Variants in TMEM132C observed in about 807,000 individuals in gnomAD.
TMEM132C encodes transmembrane protein 132C, also known as protein phosphatase 1, regulatory subunit 152.
Under a neutral mutation model 61.4 loss-of-function variants are expected in TMEM132C, and 29 were observed. The ratio of observed to expected loss-of-function variants is 0.47; its 90% CI spans 0.35 to 0.64. The LOEUF is 0.64. Among genes scored for constraint, TMEM132C ranks in the 30% least tolerant of loss-of-function variants. The pLI is 0.00. For synonymous variants in TMEM132C, 656 were observed against 633.1 expected (o/e 1.04, Z -0.54); for missense variants, 1,408 against 1,476.9 (o/e 0.95, Z 0.76).
In TMEM132C at chr12:128,581,667, G is replaced by A. The variant is rs568893106; in HGVS notation, c.1122-34485G>A. Among the ~76,000 whole-genome samples the A allele has an allele frequency of 5.9e-5, 9 of 152,332 alleles. 1 individual carries two copies. Among genetic ancestry groups the A allele is most frequent in the South Asian group, 2.1e-4 (1 of 4,830 alleles). On this transcript the variant is annotated intron_variant, in intron 3 of 8. Coordinates refer to ENST00000435159, the MANE Select transcript of TMEM132C (RefSeq NM_001136103.3). ...GTTTCAGAGCCAGGCAGCTGATGTC[G>A]ATTTGCCTGACTTCTCATCTTCTCT...
At chr12:128,286,967 A>T (rs1592997780) in intron 1 of TMEM132C, among the ~76,000 whole-genome samples, 2 of 152,248 alleles carry the variant, frequency 1.3e-5, no homozygotes, top group Admixed American at 1.3e-4. Context: ...AAACTATGTT[A>T]TCTCTGCCAA....
chr12:128,463,908 C>T lies in TMEM132C; in HGVS notation c.974+48288C>T, dbSNP rs1369731636. On this transcript the variant is annotated intron_variant, in intron 2 of 8. Transcript: ENST00000435159. ...GTGCAGGAGACCAAGCCTCCAGCCA[C>T]GGGCCCACCTTGGATTCATGTGTGA... Among the ~76,000 whole-genome samples, 6 of 152,288 alleles carry T rather than the reference C, an allele frequency of 3.9e-5. No individual in the cohort carries two copies. In the South Asian group the frequency reaches 8.3e-4, roughly 21 times the overall value.
intron 1 of TMEM132C, among the ~76,000 whole-genome samples, chr12:128,293,722 C>T (rs1046309547): frequency 5.9e-5 from 9 of 152,048 alleles, no homozygotes; most frequent in South Asian, 4.2e-4. Flanking sequence ...CTCCTAAGGT[C>T]GAGAGTGATT....
At chr12:128,622,874 T>C (rs1470562230) in intron 4 of TMEM132C, among the ~76,000 whole-genome samples, 1 of 152,208 alleles carries the variant, frequency 6.6e-6, no homozygotes, top group Non-Finnish European at 1.5e-5. Context: ...AAAATGTTTC[T>C]ATTTGTAACT....
chr12:128,634,670 C>T (rs1954088066), intron 4 of TMEM132C, among the ~76,000 whole-genome samples: 1 of 152,212 alleles, frequency 6.6e-6, no homozygotes, highest in South Asian at 2.1e-4. Context: ...TACTTGGCAG[C>T]CTTGTGCGAT....
At chr12:128,549,835 A>T (rs1378724763) in intron 3 of TMEM132C, among the ~76,000 whole-genome samples, 1 of 152,020 alleles carries the variant, frequency 6.6e-6, no homozygotes, top group East Asian at 1.9e-4. Flanking sequence ...AGACACAGTG[A>T]GCCATGACCT....
rs982698371 is a variant in TMEM132C, at chr12:128,326,435, T to C, written c.85+58948T>C. 2.1e-5 allele frequency among the ~76,000 whole-genome samples: 3 copies of C among 140,104 alleles called. No individual in the cohort carries two copies. Among genetic ancestry groups the C allele is most frequent in the African/African-American group, 6.0e-5 (2 of 33,096 alleles). 91.9% of individuals were successfully genotyped at this position (140,104 alleles called of 152,430 possible). Reference sequence around the variant, plus strand: ...AGCCTTTGGCTGACGCTTATCCCCCTCTGGTTCAGATATCTTTGCAAAGGC... The same window carrying C: ...AGCCTTTGGCTGACGCTTATCCCCCCCTGGTTCAGATATCTTTGCAAAGGC... On this transcript the variant is annotated intron_variant, in intron 1 of 8. Transcript: ENST00000435159. The surrounding 1 kb of genome is among the most constrained non-coding windows in gnomAD (Gnocchi z 5.6).
intron 3 of TMEM132C, among the ~76,000 whole-genome samples, chr12:128,561,099 G>A (rs1350166935): frequency 6.6e-6 from 1 of 152,200 alleles, no homozygotes; most frequent in Non-Finnish European, 1.5e-5. Flanking sequence ...CTCCCTGCCA[G>A]CTCTCCTCCT....
rs1870331514 is a variant in TMEM132C at position 128,267,207 on chromosome 12, G to T, written c.-196G>T. The stretch of plus-strand genomic sequence containing the variant: ...CGGCCGGAGCGCGAGCAGCGGCGGA[G>T]CCGGAGCCGCCAGAGCCAGAGCCGG... On this transcript the variant is annotated 5_prime_UTR_variant, in exon 1 of 9. Transcript: ENST00000435159. Among the ~76,000 whole-genome samples the T allele has an allele frequency of 6.8e-6, 1 of 147,106 alleles. No individual in the cohort carries two copies. Among genetic ancestry groups the T allele is most frequent in the African/African-American group, 2.4e-5 (1 of 40,926 alleles).
chr12:128,566,886 C>T (rs925217806), intron 3 of TMEM132C, among the ~76,000 whole-genome samples: 1 of 152,182 alleles, frequency 6.6e-6, no homozygotes, highest in Non-Finnish European at 1.5e-5. Flanking sequence ...ATAGCATCCA[C>T]CACCTACAGT....
At chr12:128,449,628 C>T (rs566357566) in intron 2 of TMEM132C, among the ~76,000 whole-genome samples, 19 of 152,264 alleles carry the variant, frequency 1.2e-4, no homozygotes, top group African/African-American at 3.9e-4. Context: ...ATGTGCAAGG[C>T]GTGAAGATGC....
chr12:128,539,106 C>T (rs75162760), intron 2 of TMEM132C, among the ~76,000 whole-genome samples: 4,627 of 152,162 alleles, frequency 0.03, 278 homozygotes, highest in East Asian at 0.26. Context: ...TTTCGTTTCC[C>T]GGGGAAGTCT....
intron 4 of TMEM132C, among the ~76,000 whole-genome samples, chr12:128,659,658 C>G (rs562547184): frequency 1.3e-5 from 2 of 152,292 alleles, no homozygotes; most frequent in South Asian, 4.1e-4. Context: ...GACTGCTTCT[C>G]TGGCTACAGA....
intron 1 of TMEM132C, among the ~76,000 whole-genome samples, chr12:128,341,241 A>T (rs1417336583): frequency 6.6e-6 from 1 of 152,160 alleles, no homozygotes; most frequent in Non-Finnish European, 1.5e-5. Flanking sequence ...GCTGGTGAAG[A>T]CTAACCAGCT....
intron 4 of TMEM132C, among the ~76,000 whole-genome samples, chr12:128,636,406 C>T (rs950609006): frequency 6.6e-6 from 1 of 152,114 alleles, no homozygotes; most frequent in African/African-American, 2.4e-5. Flanking sequence ...TATCAAAAAT[C>T]TGCACATGTT....
chr12:128,621,873 T>C (rs1953966295), intron 4 of TMEM132C, among the ~76,000 whole-genome samples: 1 of 152,158 alleles, frequency 6.6e-6, no homozygotes, highest in Non-Finnish European at 1.5e-5. Flanking sequence ...TCCCTGGCTT[T>C]TTCCCTCCGT....
chr12:128,424,799 ATTGAGCCAATTTT>A (rs1869122769), intron 2 of TMEM132C, among the ~76,000 whole-genome samples: 1 of 152,350 alleles, frequency 6.6e-6, no homozygotes, highest in African/African-American at 2.4e-5. Context: ...CACGTTGAAC[ATTGAGCCAATTTT>A]CAAAAATTTA....
rs143663570 is a variant in TMEM132C at position 128,273,915 on chromosome 12, A to G, written c.85+6428A>G. Among the ~76,000 whole-genome samples the G allele has an allele frequency of 2.0e-5, 3 of 152,276 alleles. No homozygotes were observed. In the East Asian group the frequency reaches 5.8e-4, roughly 29 times the overall value. ...TCATTTAAAAATTATCTTTATGTCT[A>G]TTAAAGAAGAATAAAAATTGTATTA... is the stretch of plus-strand genomic sequence containing the variant. On this transcript the variant is annotated intron_variant, in intron 1 of 8. Coordinates refer to ENST00000435159, the MANE Select transcript of TMEM132C (RefSeq NM_001136103.3).
Position 128,313,514 on chromosome 12 carries a change from TCTTTATTAACAGTGAG to T in TMEM132C, c.85+46030_85+46045del, listed in dbSNP as rs560806689. On this transcript the variant is annotated intron_variant, in intron 1 of 8. Coordinates refer to ENST00000435159, the MANE Select transcript of TMEM132C (RefSeq NM_001136103.3). ...AGTTATCGGGACTGGCTTTTCTCCA[TCTTTATTAACAGTGAG>T]CTGAGAACACGTGTGATAGGGGGAT... is the stretch of plus-strand genomic sequence containing the variant. Among the ~76,000 whole-genome samples, 1,317 of 152,322 alleles carry T rather than the reference TCTTTATTAACAGTGAG, an allele frequency of 8.6e-3. 16 individuals are homozygous for T. Among genetic ancestry groups the T allele is most frequent in the African/African-American group, 0.03 (1,251 of 41,554 alleles).
Sources: gnomAD v4.1 joint callset for allele counts (sites outside exome capture counted in the v4.1 genomes callset) on GRCh38, gnomAD v4.1.1 for gene constraint, Gnocchi (gnomAD v3.1) non-coding constraint, MANE v1.5 for transcripts, NCBI Gene and HGNC (gene_info 2026-07-23, HGNC 2026-07-21) for gene names.